The following TCF7L1 variants were observed in gnomAD, a reference collection of about 807,000 sequenced individuals.
The protein encoded by TCF7L1 is transcription factor 7-like 1.
TCF7L1 carries 18 observed loss-of-function variants against 63.7 expected under a neutral mutation model. The observed-to-expected ratio is 0.28, with a 90% CI of 0.20 to 0.42. TCF7L1 has a LOEUF of 0.42. Among genes scored for constraint, TCF7L1 ranks in the 10% least tolerant of loss-of-function variants. TCF7L1 has a pLI of 1.00. For synonymous variants in TCF7L1, 355 were observed against 340.9 expected, an observed-to-expected ratio of 1.04 and a Z score of -0.46; for missense variants, 654 against 779.3, an observed-to-expected ratio of 0.84 and a Z score of 1.91.
chr2:85,232,626 A>G (rs1344823195), intron 3 of TCF7L1, among the ~76,000 whole-genome samples: 1 of 152,046 alleles, frequency 6.6e-6, no homozygotes, highest in East Asian at 1.9e-4. Flanking sequence ...TCTCCTTCCC[A>G]CTATTTTCTC....
At chr2:85,196,979 A>G (rs975716325) in intron 3 of TCF7L1, among the ~76,000 whole-genome samples, 1 of 152,140 alleles carries the variant, frequency 6.6e-6, no homozygotes, top group Non-Finnish European at 1.5e-5. Context: ...GCCGCAGGCC[A>G]TCCAAACTCC....
At chr2:85,248,110 T>C (rs1011283932) in intron 3 of TCF7L1, among the ~76,000 whole-genome samples, 1 of 152,202 alleles carries the variant, frequency 6.6e-6, no homozygotes, top group African/African-American at 2.4e-5. Flanking sequence ...GGAGTTATAA[T>C]AGATTTATAA....
rs1049954907 is a variant in TCF7L1, at chr2:85,210,263, TC to T, written c.442-73228del. ...GGCCCCTTCCCCACACACATGGGCA[TC>T]CCCATCTTCATTCTACCTTCTGCCC... On this transcript the variant is annotated intron_variant, in intron 3 of 11. Transcript: ENST00000282111. 4.7e-4 allele frequency among the ~76,000 whole-genome samples: 72 copies of T among 152,298 alleles called. 1 individual carries two copies. Among genetic ancestry groups the T allele is most frequent in the African/African-American group, 1.7e-3 (70 of 41,562 alleles).
At chr2:85,259,947 A>T (rs191993945) in intron 3 of TCF7L1, among the ~76,000 whole-genome samples, 45 of 152,302 alleles carry the variant, frequency 3.0e-4, no homozygotes, top group Non-Finnish European at 6.2e-4. Context: ...GATACTGTGC[A>T]TATGTGAGGG....
chr2:85,239,169 G>A (rs1680265495), intron 3 of TCF7L1, among the ~76,000 whole-genome samples: 1 of 152,160 alleles, frequency 6.6e-6, no homozygotes, highest in African/African-American at 2.4e-5. Flanking sequence ...TTGGGTCCCT[G>A]TTTTGGAGAT....
At position 85,217,435 on chromosome 2, in the gene TCF7L1, C is replaced by T. The variant is rs559637164; in HGVS notation, c.442-66060C>T. Reference sequence around the variant, plus strand: ...CAAATGAGGGAAGACACATTCTGCTCACGTTTGATGTCACTCACTACTCAT... The same window carrying T: ...CAAATGAGGGAAGACACATTCTGCTTACGTTTGATGTCACTCACTACTCAT... On this transcript the variant is annotated intron_variant, in intron 3 of 11. Transcript: ENST00000282111. 6.6e-5 allele frequency among the ~76,000 whole-genome samples: 10 copies of T among 152,304 alleles called. No homozygotes were observed. The South Asian group carries it at 1.2e-3, about 19-fold the overall frequency.
intron 3 of TCF7L1, among the ~76,000 whole-genome samples, chr2:85,242,025 G>GC (rs369320856): frequency 2.0e-4 from 29 of 142,064 alleles, no homozygotes; most frequent in African/African-American, 6.1e-4. Flanking sequence ...CGGTGGTGCG[G>GC]GGGGGCAAGA....
At chr2:85,231,841 AG>A (rs1383970413) in intron 3 of TCF7L1, among the ~76,000 whole-genome samples, 1 of 151,976 alleles carries the variant, frequency 6.6e-6, no homozygotes, top group Non-Finnish European at 1.5e-5. Flanking sequence ...GTAGGGATTG[AG>A]GGTGCAGACC....
At position 85,133,735 on chromosome 2, in the gene TCF7L1, A is replaced by C. The variant is rs1021182180; in HGVS notation, c.51A>C (p.Gly17=). 8.3e-7 allele frequency: 1 copy of C among 1,211,276 alleles called. No individual in the cohort carries two copies. The highest frequency in any genetic ancestry group is 1.0e-6 in the Non-Finnish European group (1 of 975,510). 75.0% of individuals were successfully genotyped at this position (1,211,276 alleles called of 1,614,324 possible). The change falls in exon 1 of 12, where the codon GGA becomes GGC. Residue 17 remains glycine (G), a synonymous_variant. Coordinates refer to ENST00000282111, the MANE Select transcript of TCF7L1 (RefSeq NM_031283.3). The surrounding 1 kb of genome is among the most constrained non-coding windows in gnomAD (Gnocchi z 4.4). ...GGGGGGGGSG[G]GGGSSAGAAG... Reference sequence around the variant, plus strand: ...GCGGCGGCGGCGGCGGCAGCGGGGGAGGCGGCGGCTCCAGCGCCGGGGCGG... The same window carrying C: ...GCGGCGGCGGCGGCGGCAGCGGGGGCGGCGGCGGCTCCAGCGCCGGGGCGG...
chr2:85,201,547 T>C (rs1472216820), intron 3 of TCF7L1, among the ~76,000 whole-genome samples: 1 of 152,244 alleles, frequency 6.6e-6, no homozygotes, highest in Non-Finnish European at 1.5e-5. Flanking sequence ...AATATATTTA[T>C]TGAAATAAAT....
chr2:85,262,615 A>G (rs1213486130), intron 3 of TCF7L1, among the ~76,000 whole-genome samples: 1 of 152,200 alleles, frequency 6.6e-6, no homozygotes, highest in Non-Finnish European at 1.5e-5. Flanking sequence ...ACTTTTTTTA[A>G]AGATGTTGCC....
intron 3 of TCF7L1, among the ~76,000 whole-genome samples, chr2:85,216,420 G>A (rs115372289): frequency 0.02 from 3,078 of 152,250 alleles, 71 homozygotes; most frequent in Middle Eastern, 0.058. Context: ...CTCGCGCCCT[G>A]CTGTGCTTGG....
chr2:85,265,643 A>G (rs1266776769), intron 3 of TCF7L1, among the ~76,000 whole-genome samples: 1 of 152,000 alleles, frequency 6.6e-6, no homozygotes, highest in Admixed American at 6.6e-5. Flanking sequence ...CTGAGGTCAC[A>G]TTTTTCCAGG....
rs549773301 is a variant in TCF7L1, at chr2:85,304,172, T to G, written c.762-83T>G. 97 of 1,429,818 alleles carry G rather than the reference T, an allele frequency of 6.8e-5. No homozygotes were observed. The Admixed American group carries it at 1.7e-3, about 25-fold the overall frequency. 88.6% of individuals were successfully genotyped at this position (1,429,818 alleles called of 1,614,324 possible). On this transcript the variant is annotated intron_variant, in intron 6 of 11. Coordinates refer to ENST00000282111, the MANE Select transcript of TCF7L1 (RefSeq NM_031283.3). The stretch of plus-strand genomic sequence containing the variant: ...TTACCTTCCCGCTTCCTTCCCATAT[T>G]TCTCATCCCTTCTTCCCAAGTGCCT...
chr2:85,201,271 A>G (rs56691726), intron 3 of TCF7L1, among the ~76,000 whole-genome samples: 16,074 of 152,230 alleles, frequency 0.11, 1,711 homozygotes, highest in African/African-American at 0.28. Context: ...AATTTTATGC[A>G]GTGATTATAT....
chr2:85,296,100 A>G (rs1373526653), intron 4 of TCF7L1, among the ~76,000 whole-genome samples: 1 of 152,028 alleles, frequency 6.6e-6, no homozygotes, highest in Non-Finnish European at 1.5e-5. Flanking sequence ...TTTTCATGTC[A>G]TTATCTTACT....
At chr2:85,282,379 G>T (rs1681438444) in intron 3 of TCF7L1, among the ~76,000 whole-genome samples, 1 of 152,226 alleles carries the variant, frequency 6.6e-6, no homozygotes, top group Non-Finnish European at 1.5e-5. Context: ...CAAAGAGGCT[G>T]CTTGCGGGTC....
At chr2:85,204,371 C>T (rs1049633959) in intron 3 of TCF7L1, among the ~76,000 whole-genome samples, 1 of 132,412 alleles carries the variant, frequency 7.6e-6, no homozygotes, top group Non-Finnish European at 1.5e-5. Context: ...TTCTAATTAG[C>T]CACTGTGTGG....
At chr2:85,187,696 A>C (rs1678956006) in intron 3 of TCF7L1, among the ~76,000 whole-genome samples, 1 of 152,204 alleles carries the variant, frequency 6.6e-6, no homozygotes. Flanking sequence ...CTAGCCCTCT[A>C]CCAAGACCAT....
Sources: gnomAD v4.1 joint callset for allele counts (sites outside exome capture counted in the v4.1 genomes callset) on GRCh38, gnomAD v4.1.1 for gene constraint, Gnocchi (gnomAD v3.1) non-coding constraint, MANE v1.5 for transcripts, NCBI Gene and HGNC (gene_info 2026-07-23, HGNC 2026-07-21) for gene names.